WDR5: variants seen among roughly 807,000 people sequenced by gnomAD.
The protein encoded by WDR5 is WD repeat domain 5, also known as WD repeat-containing protein 5.
For missense variants in WDR5, 187 were observed against 416.9 expected, an observed-to-expected ratio of 0.45 and a Z score of 4.80; for synonymous variants, 144 against 161.6, an observed-to-expected ratio of 0.89 and a Z score of 0.83.
chr9:134,151,007 A>AC (rs1191735537), intron 8 of WDR5, among the ~76,000 whole-genome samples: 2 of 152,228 alleles, frequency 1.3e-5, no homozygotes, highest in Non-Finnish European at 2.9e-5. Flanking sequence ...CTGAAAGGAC[A>AC]CACGGGGGTT....
At chr9:134,143,883 A>G (rs1481274581) in intron 7 of WDR5, among the ~76,000 whole-genome samples, 1 of 152,094 alleles carries the variant, frequency 6.6e-6, no homozygotes, top group Non-Finnish European at 1.5e-5. Context: ...ACACAGTATC[A>G]TAAACCGCTC....
At chr9:134,150,359 G>T (rs1176012262) in intron 8 of WDR5, among the ~76,000 whole-genome samples, 1 of 152,220 alleles carries the variant, frequency 6.6e-6, no homozygotes, top group Non-Finnish European at 1.5e-5. Flanking sequence ...TTATTAATTA[G>T]TAGGGGTCAA....
chr9:134,155,243 C>T (rs757023932), intron 10 of WDR5, 97 bp from the exon 11 acceptor site: 19 of 1,393,438 alleles, frequency 1.4e-5, no homozygotes, highest in Non-Finnish European at 1.7e-5. Flanking sequence ...TTGCACCTGG[C>T]GCTGATGGTG....
intron 9 of WDR5, among the ~76,000 whole-genome samples, chr9:134,153,566 CCT>C (rs1415409526): frequency 5.3e-5 from 8 of 152,200 alleles, no homozygotes; most frequent in Non-Finnish European, 1.0e-4. Flanking sequence ...GTGGTGTGCC[CCT>C]GAGGGAGGGA....
chr9:134,137,279 T>C (rs146596120), intron 1 of WDR5, among the ~76,000 whole-genome samples: 3,011 of 152,214 alleles, frequency 0.02, 45 homozygotes, highest in Middle Eastern at 0.031. Context: ...GGGCCGCCAA[T>C]TCATCACCGT....
intron 7 of WDR5, among the ~76,000 whole-genome samples, chr9:134,145,985 G>A (rs1199809988): frequency 6.8e-6 from 1 of 146,648 alleles, no homozygotes; most frequent in Non-Finnish European, 1.5e-5. Context: ...TTTATTTTGA[G>A]ACAGAGTCTC....
chr9:134,148,953 G>A (rs1032979796), intron 8 of WDR5, among the ~76,000 whole-genome samples: 2 of 152,176 alleles, frequency 1.3e-5, no homozygotes, highest in Non-Finnish European at 2.9e-5. Context: ...AGTTGGGGGA[G>A]TGGAGTGTTT....
rs113759179 is a variant in WDR5 at position 134,148,479 on chromosome 9, C to T, written c.584+136C>T. On this transcript the variant is annotated intron_variant, in intron 8 of 13. Coordinates refer to ENST00000358625, the MANE Select transcript of WDR5 (RefSeq NM_017588.3). Reference sequence around the variant, plus strand: ...ATTTCCGAAGCTTCTCTTCTGGCCACGCTGCAGACATGTTAGCAGATAGGC... The same window carrying T: ...ATTTCCGAAGCTTCTCTTCTGGCCATGCTGCAGACATGTTAGCAGATAGGC... 670 of 734,926 alleles carry T rather than the reference C, an allele frequency of 9.1e-4. 5 individuals carry two copies. In the African/African-American group the frequency reaches 0.01, roughly 11 times the overall value. The allele number at this position is 734,926 out of a possible 1,614,324, so 45.5% of individuals were successfully genotyped here.
In WDR5 at chr9:134,138,872, T is replaced by C. The variant is rs117025726; in HGVS notation, c.-58-948T>C. The stretch of plus-strand genomic sequence containing the variant: ...GTAGTGCTAGCTTCTGGGATTCCGA[T>C]GGCCAGTGGTATTTGCAAGCATGTC... On this transcript the variant is annotated intron_variant, in intron 1 of 13. Transcript: ENST00000358625. Among the ~76,000 whole-genome samples, 1,352 of 152,338 alleles carry C rather than the reference T, an allele frequency of 8.9e-3. 12 individuals carry two copies. The highest frequency in any genetic ancestry group is 0.014 in the Non-Finnish European group (973 of 68,020).
At chr9:134,146,118 C>G (rs1362631156) in intron 7 of WDR5, among the ~76,000 whole-genome samples, 3 of 151,826 alleles carry the variant, frequency 2.0e-5, no homozygotes, top group Non-Finnish European at 2.9e-5. Context: ...GCGCCCTCCA[C>G]CATGCCCGGC....
chr9:134,157,837 C>A lies in WDR5; in HGVS notation c.905-56C>A. ...AAAGGTGGAGCTCAGTCTGGGATGGCGTCCCCGACCCAGGCGCAGGGATGG... is the reference window on the plus strand; with the variant it reads ...AAAGGTGGAGCTCAGTCTGGGATGGAGTCCCCGACCCAGGCGCAGGGATGG... On this transcript the variant is annotated intron_variant, in intron 13 of 13. Transcript: ENST00000358625. This position sits in a 1 kb window ranked among gnomAD's most constrained non-coding sequence, Gnocchi z 5.0. 1.9e-6 allele frequency: 3 copies of A among 1,550,232 alleles called. No homozygotes were observed. Among genetic ancestry groups the A allele is most frequent in the Non-Finnish European group, 8.9e-7 (1 of 1,124,160 alleles).
At chr9:134,146,802 G>A (rs1047652883) in intron 7 of WDR5, among the ~76,000 whole-genome samples, 1 of 152,232 alleles carries the variant, frequency 6.6e-6, no homozygotes, top group African/African-American at 2.4e-5. Context: ...ACATTTAAAG[G>A]TAGGGATGAA....
At chr9:134,136,415 G>T (rs1341032939) in intron 1 of WDR5, among the ~76,000 whole-genome samples, 1 of 151,184 alleles carries the variant, frequency 6.6e-6, no homozygotes, top group Non-Finnish European at 1.5e-5. Context: ...CACCCGGTCC[G>T]CCCCCACTCG....
At chr9:134,151,946 T>G (rs1286669028) in intron 8 of WDR5, 37 bp from the exon 9 acceptor site, 2 of 1,609,612 alleles carry the variant, frequency 1.2e-6, no homozygotes, top group Non-Finnish European at 1.7e-6. Flanking sequence ...GATCATAACT[T>G]GTCTGCTTAC....
At chr9:134,138,170 C>T (rs990711667) in intron 1 of WDR5, among the ~76,000 whole-genome samples, 14 of 152,170 alleles carry the variant, frequency 9.2e-5, no homozygotes, top group Non-Finnish European at 1.5e-4. Context: ...TTTGTAAGAC[C>T]GCCTATCTGT....
chr9:134,140,055 C>G (rs1831800304), intron 2 of WDR5, 97 bp downstream of exon 2: 30 of 1,366,046 alleles, frequency 2.2e-5, no homozygotes, highest in Non-Finnish European at 3.0e-5. Context: ...CTTCCCTACT[C>G]AGTTAAATGT....
At chr9:134,154,693 A>T (rs945652162) in intron 10 of WDR5, 152 bp downstream of exon 10, 2 of 836,066 alleles carry the variant, frequency 2.4e-6, no homozygotes, top group African/African-American at 3.4e-5. Context: ...GTGGCCTGTT[A>T]GGTCGGAGGG....
intron 3 of WDR5, 130 bp downstream of exon 3, chr9:134,140,941 C>A: frequency 2.4e-6 from 2 of 830,238 alleles, no homozygotes; most frequent in Non-Finnish European, 2.0e-6. Flanking sequence ...GGGCACGTAG[C>A]AGGCGGGTGT....
rs1177335423 is a variant in WDR5 at position 134,151,050 on chromosome 9, G to A, written c.585-933G>A. Among the ~76,000 whole-genome samples the A allele has an allele frequency of 3.3e-5, 5 of 152,184 alleles. No homozygotes were observed. The East Asian group carries it at 5.8e-4, about 18-fold the overall frequency. ...GAGGGTTAGGAGATGAGGCGGCTCC[G>A]GAGAGGCCCTCCCGCAGTGATTGCG... On this transcript the variant is annotated intron_variant, in intron 8 of 13. Coordinates refer to ENST00000358625, the MANE Select transcript of WDR5 (RefSeq NM_017588.3).
Sources: allele counts gnomAD v4.1 joint callset (sites outside exome capture counted in the v4.1 genomes callset), GRCh38; gene constraint gnomAD v4.1.1; non-coding constraint Gnocchi (gnomAD v3.1); transcripts MANE v1.5; gene names NCBI Gene and HGNC (gene_info 2026-07-23, HGNC 2026-07-21).